Variants in THSD7A observed in about 807,000 individuals in gnomAD.
THSD7A encodes the protein thrombospondin type-1 domain-containing protein 7A.
THSD7A carries 96 observed loss-of-function variants against 231.3 expected under a neutral mutation model. That is an observed-to-expected ratio of 0.41 (90% CI 0.35 to 0.49). The LOEUF is 0.49. Among genes scored for constraint, THSD7A ranks in the 20% least tolerant of loss-of-function variants. The pLI is 0.05. For missense variants in THSD7A, 2,290 were observed against 2,070.2 expected (o/e 1.11, Z -2.06); for synonymous variants, 940 against 743.3 (o/e 1.26, Z -4.30).
At chr7:11,829,666 G>A (rs1785135238) in intron 1 of THSD7A, among the ~76,000 whole-genome samples, 1 of 151,760 alleles carries the variant, frequency 6.6e-6, no homozygotes, top group African/African-American at 2.4e-5. Context: ...TTTTCATCAA[G>A]TGATACACAC....
chr7:11,766,228 G>A (rs1433020721), intron 1 of THSD7A, among the ~76,000 whole-genome samples: 3 of 152,188 alleles, frequency 2.0e-5, no homozygotes, highest in African/African-American at 7.2e-5. Context: ...TTTCCTATAA[G>A]TTAGATAAAT....
chr7:11,494,054 T>A (rs190605976), intron 6 of THSD7A, among the ~76,000 whole-genome samples: 4 of 152,154 alleles, frequency 2.6e-5, no homozygotes. Flanking sequence ...AGTGGGAATT[T>A]TGCTCCTATA....
intron 2 of THSD7A, among the ~76,000 whole-genome samples, chr7:11,623,037 G>T (rs1267890574): frequency 6.6e-6 from 1 of 152,106 alleles, no homozygotes; most frequent in South Asian, 2.1e-4. Flanking sequence ...TTGTAACCTG[G>T]TCAAAATTTA....
intron 1 of THSD7A, among the ~76,000 whole-genome samples, chr7:11,718,621 A>G (rs1409365091): frequency 1.3e-5 from 2 of 151,658 alleles, no homozygotes; most frequent in African/African-American, 2.4e-5. Context: ...AATTGCTTTA[A>G]TCCATAGGTC....
intron 2 of THSD7A, among the ~76,000 whole-genome samples, chr7:11,604,533 T>TA (rs771393185): frequency 6.6e-5 from 10 of 151,664 alleles, no homozygotes; most frequent in African/African-American, 2.0e-4. Context: ...TCACAATTTT[T>TA]AAAAAATGTT....
intron 4 of THSD7A, among the ~76,000 whole-genome samples, chr7:11,560,441 TAAAATTTGTCTAAGCA>T (rs146289080): frequency 0.29 from 29,838 of 104,426 alleles, 3,165 homozygotes; most frequent in Admixed American, 0.38. Context: ...AATAAGACTA[TAAAATTTGTCTAAGCA>T]AAAACAAGGT....
rs751097485 is a variant in THSD7A, at chr7:11,443,824, A to T, written c.3064+2237T>A. Among the ~76,000 whole-genome samples the T allele has an allele frequency of 2.6e-5, 4 of 152,038 alleles. 1 individual carries two copies. The highest frequency in any genetic ancestry group is 5.9e-5 in the Non-Finnish European group (4 of 67,990). On this transcript the variant is annotated intron_variant, in intron 13 of 27. Transcript: ENST00000423059. ...TGATCAAATCAGGATAACTGAGATG[A>T]CCCATCACCTCAAACATTTATCATT...
chr7:11,760,765 A>C (rs1265812214), intron 1 of THSD7A, among the ~76,000 whole-genome samples: 1 of 152,022 alleles, frequency 6.6e-6, no homozygotes, highest in African/African-American at 2.4e-5. Context: ...TAATCAAAAT[A>C]ATTACTTTTA....
chr7:11,618,549 C>G (rs988383555), intron 2 of THSD7A, among the ~76,000 whole-genome samples: 1 of 151,958 alleles, frequency 6.6e-6, no homozygotes, highest in Admixed American at 6.6e-5. Context: ...TGACTGCAAT[C>G]CCAGCATCTT....
Position 11,754,310 on chromosome 7 carries a change from T to C in THSD7A, c.190+77447A>G, listed in dbSNP as rs1262255899. Among the ~76,000 whole-genome samples the C allele has an allele frequency of 3.3e-5, 5 of 151,978 alleles. No individual in the cohort carries two copies. In the East Asian group the frequency reaches 7.8e-4, roughly 24 times the overall value. ...GTGAGAACTCGAGGTAAGAGGATGT[T>C]ATGATTGTACAAAGTTCTTGGGTTT... On this transcript the variant is annotated intron_variant, in intron 1 of 27. Transcript: ENST00000423059.
chr7:11,498,459 C>A (rs976797612), intron 6 of THSD7A, among the ~76,000 whole-genome samples: 1 of 151,960 alleles, frequency 6.6e-6, no homozygotes, highest in Non-Finnish European at 1.5e-5. Flanking sequence ...CTTGAGCTCT[C>A]CAGTTGACAG....
intron 1 of THSD7A, among the ~76,000 whole-genome samples, chr7:11,779,289 T>C (rs1783546837): frequency 6.6e-6 from 1 of 152,142 alleles, no homozygotes; most frequent in Non-Finnish European, 1.5e-5. Context: ...TATCTCATCT[T>C]TCTCTCTCCT....
At chr7:11,721,196 C>T (rs893264769) in intron 1 of THSD7A, among the ~76,000 whole-genome samples, 4 of 151,842 alleles carry the variant, frequency 2.6e-5, no homozygotes, top group African/African-American at 9.6e-5. Flanking sequence ...TGGGTCATGG[C>T]CCTGCATTCC....
At chr7:11,428,776 T>C (rs1293724538) in intron 14 of THSD7A, among the ~76,000 whole-genome samples, 171 bp downstream of exon 14, 2 of 152,216 alleles carry the variant, frequency 1.3e-5, no homozygotes, top group Admixed American at 6.5e-5. Context: ...AATACAGATA[T>C]GTCTAATTTG....
intron 10 of THSD7A, 39 bp downstream of exon 10, chr7:11,461,972 G>C (rs747352835): frequency 1.2e-6 from 2 of 1,602,504 alleles, no homozygotes; most frequent in South Asian, 2.2e-5. Flanking sequence ...TGACGTATTT[G>C]TTCAGCTCCT....
chr7:11,787,274 CA>C (rs59059930), intron 1 of THSD7A, among the ~76,000 whole-genome samples: 39,579 of 151,726 alleles, frequency 0.26, 6,051 homozygotes, highest in African/African-American at 0.42. Flanking sequence ...AAATGGACCA[CA>C]AGACCTAAGC....
intron 24 of THSD7A, among the ~76,000 whole-genome samples, chr7:11,381,351 T>C (rs1401744885): frequency 6.6e-6 from 1 of 152,158 alleles, no homozygotes. Context: ...ATGTATAAAA[T>C]CATATCTTCA....
chr7:11,442,999 G>A (rs535173979), intron 13 of THSD7A, among the ~76,000 whole-genome samples: 1 of 152,064 alleles, frequency 6.6e-6, no homozygotes, highest in East Asian at 1.9e-4. Flanking sequence ...ACTGCCTTTG[G>A]CCAATTTCAA....
intron 1 of THSD7A, among the ~76,000 whole-genome samples, chr7:11,677,583 G>GAAAAA (rs1562467899): frequency 1.4e-4 from 1 of 7,028 alleles, no homozygotes; most frequent in Non-Finnish European, 2.2e-4. Flanking sequence ...CAAATGGAAA[G>GAAAAA]CAAAAAAAAA....
Sources: allele counts gnomAD v4.1 joint callset (sites outside exome capture counted in the v4.1 genomes callset), GRCh38; gene constraint gnomAD v4.1.1; transcripts MANE v1.5; gene names NCBI Gene and HGNC (gene_info 2026-07-23, HGNC 2026-07-21).